SKAP2: variants seen among roughly 807,000 people sequenced by gnomAD.
SKAP2 encodes src kinase-associated phosphoprotein 2.
In SKAP2, 28 loss-of-function variants were observed where a neutral mutation model predicts 54.9. The ratio of observed to expected loss-of-function variants is 0.51; its 90% CI spans 0.38 to 0.70. The LOEUF (loss-of-function observed/expected upper bound fraction) is 0.70, where lower values mean the gene tolerates loss of function less well. Among genes scored for constraint, SKAP2 ranks in the 30% least tolerant of loss-of-function variants. The probability of loss-of-function intolerance (pLI) is 0.00; values close to 1 mark genes in which losing one functional copy is unlikely to be tolerated. For synonymous variants in SKAP2, 137 were observed against 134.3 expected (o/e 1.02, Z -0.14); for missense variants, 356 against 424.1 (o/e 0.84, Z 1.41).
intron 4 of SKAP2, among the ~76,000 whole-genome samples, chr7:26,806,747 G>A (rs985815937): frequency 3.9e-5 from 6 of 152,202 alleles, no homozygotes; most frequent in African/African-American, 1.2e-4. Flanking sequence ...GATTAAATCA[G>A]TTACAACACT....
intron 9 of SKAP2, among the ~76,000 whole-genome samples, chr7:26,693,943 C>A (rs908588251): frequency 6.6e-6 from 1 of 151,352 alleles, no homozygotes; most frequent in Non-Finnish European, 1.5e-5. Context: ...AGGAGATGTT[C>A]GATAAATACA....
At chr7:26,737,702 T>C (rs528816320) in intron 6 of SKAP2, among the ~76,000 whole-genome samples, 11 of 152,180 alleles carry the variant, frequency 7.2e-5, no homozygotes, top group Non-Finnish European at 1.3e-4. Context: ...GATACAACCT[T>C]TACTTTATAA....
chr7:26,723,227 C>T (rs796108439), intron 9 of SKAP2, among the ~76,000 whole-genome samples: 1 of 152,182 alleles, frequency 6.6e-6, no homozygotes, highest in African/African-American at 2.4e-5. Flanking sequence ...CTCTGAGACA[C>T]CTTTAGGGCC....
At chr7:26,765,057 T>C (rs1250655162) in intron 4 of SKAP2, among the ~76,000 whole-genome samples, 2 of 152,222 alleles carry the variant, frequency 1.3e-5, no homozygotes, top group Non-Finnish European at 2.9e-5. Flanking sequence ...ATCACCACAC[T>C]GTCTTCCACA....
At chr7:26,670,275 T>C in intron 11 of SKAP2, 83 bp from the exon 12 acceptor site, 1 of 698,068 alleles carries the variant, frequency 1.4e-6, no homozygotes, top group Non-Finnish European at 2.6e-6. Flanking sequence ...AGAAATGTTA[T>C]TTCTATTTAT....
At chr7:26,757,432 C>A (rs975242532) in intron 4 of SKAP2, among the ~76,000 whole-genome samples, 4 of 152,132 alleles carry the variant, frequency 2.6e-5, no homozygotes, top group African/African-American at 7.2e-5. Context: ...AATAGGGAAT[C>A]CTTTCCCCAT....
At chr7:26,702,912 T>A (rs1787069537) in intron 9 of SKAP2, among the ~76,000 whole-genome samples, 2 of 152,216 alleles carry the variant, frequency 1.3e-5, no homozygotes, top group Admixed American at 6.5e-5. Flanking sequence ...CACCACGATG[T>A]GGTATTTATC....
At chr7:26,778,036 G>A (rs561729578) in intron 4 of SKAP2, among the ~76,000 whole-genome samples, 1 of 152,090 alleles carries the variant, frequency 6.6e-6, no homozygotes, top group Admixed American at 6.6e-5. Context: ...GCAAAAGGTA[G>A]CACAGAACCC....
chr7:26,665,663 T>C (rs1179665401), downstream of SKAP2, among the ~76,000 whole-genome samples: 1 of 152,164 alleles, frequency 6.6e-6, no homozygotes, highest in Non-Finnish European at 1.5e-5. Context: ...TAATGAAATG[T>C]CATTCCATGC....
chr7:26,677,919 A>C (rs1194369402), intron 11 of SKAP2, among the ~76,000 whole-genome samples: 1 of 152,244 alleles, frequency 6.6e-6, no homozygotes, highest in Admixed American at 6.5e-5. Flanking sequence ...GCTGTTGTTT[A>C]GAACTGGGAT....
intron 4 of SKAP2, among the ~76,000 whole-genome samples, chr7:26,781,794 C>T (rs1035837830): frequency 6.6e-6 from 1 of 152,086 alleles, no homozygotes; most frequent in Non-Finnish European, 1.5e-5. Flanking sequence ...TTTTCTAGAC[C>T]AGCCATTGTC....
At chr7:26,861,558 T>G (rs1305541033) in intron 1 of SKAP2, among the ~76,000 whole-genome samples, 1 of 150,200 alleles carries the variant, frequency 6.7e-6, no homozygotes, top group Non-Finnish European at 1.5e-5. Context: ...TCAAACTAGA[T>G]AGCCACTTTT....
At chr7:26,795,684 A>C (rs1183248236) in intron 4 of SKAP2, among the ~76,000 whole-genome samples, 1 of 152,242 alleles carries the variant, frequency 6.6e-6, no homozygotes, top group Non-Finnish European at 1.5e-5. Flanking sequence ...TGATCCAGAT[A>C]CAGTCTTATA....
At chr7:26,786,520 A>C (rs1248420882) in intron 4 of SKAP2, among the ~76,000 whole-genome samples, 1 of 152,216 alleles carries the variant, frequency 6.6e-6, no homozygotes, top group Non-Finnish European at 1.5e-5. Flanking sequence ...GGAATATAAA[A>C]GTATCAGTCA....
intron 3 of SKAP2, among the ~76,000 whole-genome samples, chr7:26,853,221 G>C (rs1785084384): frequency 1.3e-5 from 2 of 152,088 alleles, no homozygotes. Context: ...TCACTTACCA[G>C]TTGGCACAAA....
At chr7:26,767,135 T>C (rs912612415) in intron 4 of SKAP2, among the ~76,000 whole-genome samples, 6 of 152,228 alleles carry the variant, frequency 3.9e-5, no homozygotes, top group Admixed American at 3.9e-4. Context: ...AATTACTGCC[T>C]CAATTTCAGA....
chr7:26,709,975 T>C (rs945625026), intron 9 of SKAP2, among the ~76,000 whole-genome samples: 4 of 152,148 alleles, frequency 2.6e-5, no homozygotes, highest in African/African-American at 9.6e-5. Flanking sequence ...TTAATGAAGT[T>C]ATGGGGGATC....
At chr7:26,684,644 G>T in intron 11 of SKAP2, 92 bp downstream of exon 11, 1 of 694,608 alleles carries the variant, frequency 1.4e-6, no homozygotes, top group South Asian at 1.8e-5. Context: ...AATTCCAATT[G>T]GCATTCTTCC....
At chr7:26,737,284 A>C (rs1787964415) in intron 6 of SKAP2, among the ~76,000 whole-genome samples, 1 of 152,176 alleles carries the variant, frequency 6.6e-6, no homozygotes, top group Admixed American at 6.5e-5. Flanking sequence ...TTGGACTCTA[A>C]ATTTTCTGAC....
Sources: allele counts gnomAD v4.1 joint callset (sites outside exome capture counted in the v4.1 genomes callset), GRCh38; gene constraint gnomAD v4.1.1; transcripts MANE v1.5; gene names NCBI Gene and HGNC (gene_info 2026-07-23, HGNC 2026-07-21).